FOXN3: variants seen among roughly 807,000 people sequenced by gnomAD.
The protein encoded by FOXN3 is forkhead box N3.
FOXN3 carries 7 observed loss-of-function variants against 38.4 expected under a neutral mutation model. The observed-to-expected ratio is 0.18, with a 90% CI of 0.10 to 0.34. FOXN3 has a LOEUF of 0.34. Among genes scored for constraint, FOXN3 ranks in the 10% least tolerant of loss-of-function variants. The probability of loss-of-function intolerance (pLI) is 1.00; values close to 1 mark genes in which losing one functional copy is unlikely to be tolerated. For missense variants in FOXN3, 456 were observed against 613.4 expected, an observed-to-expected ratio of 0.74 and a Z score of 2.71; for synonymous variants, 230 against 242.2, an observed-to-expected ratio of 0.95 and a Z score of 0.47.
chr14:89,448,288 C>T (rs1031668203), intron 1 of FOXN3, among the ~76,000 whole-genome samples: 12 of 152,188 alleles, frequency 7.9e-5, no homozygotes, highest in African/African-American at 2.9e-4. Context: ...CACGCCCACA[C>T]ACACAGGTCA....
intron 1 of FOXN3, among the ~76,000 whole-genome samples, chr14:89,527,388 C>T (rs1894453971): frequency 1.3e-5 from 2 of 152,096 alleles, no homozygotes; most frequent in South Asian, 4.1e-4. Flanking sequence ...AATATGACTT[C>T]AAAATTAAGA....
intron 2 of FOXN3, chr14:89,356,256 G>C (rs2140018112): frequency 6.6e-6 from 1 of 152,062 alleles, no homozygotes; most frequent in Non-Finnish European, 1.5e-5. Context: ...AATTAGCCAG[G>C]CATGATGGAG....
intron 1 of FOXN3, among the ~76,000 whole-genome samples, chr14:89,458,355 T>C (rs1212106073): frequency 1.3e-5 from 2 of 152,254 alleles, no homozygotes; most frequent in Non-Finnish European, 2.9e-5. Context: ...AGGTGCACTT[T>C]TGGAGACAGC....
rs150433768 is a variant in FOXN3 at position 89,429,743 on chromosome 14, G to A, written c.-14-17253C>T. Among the ~76,000 whole-genome samples, 418 of 152,262 alleles carry A rather than the reference G, an allele frequency of 2.7e-3. 2 individuals are homozygous for A. Among genetic ancestry groups the A allele is most frequent in the African/African-American group, 9.1e-3 (380 of 41,548 alleles). ...TGCTCCGCGGCTGAACAGAAGGCTC[G>A]AGTAATGACAACCACAAAACTCATT... On this transcript the variant is annotated intron_variant, in intron 1 of 6. Coordinates refer to the FOXN3 transcript ENST00000345097.
At chr14:89,180,005 G>A (rs1180328310) in intron 5 of FOXN3, among the ~76,000 whole-genome samples, 1 of 152,268 alleles carries the variant, frequency 6.6e-6, no homozygotes, top group East Asian at 1.9e-4. Flanking sequence ...TGGTCTGGCA[G>A]TGGTGGATGG....
chr14:89,567,537 A>G (rs77154071), intron 1 of FOXN3, among the ~76,000 whole-genome samples: 348 of 13,504 alleles, frequency 0.026, 12 homozygotes, highest in African/African-American at 0.043. Context: ...GTACAGAGCG[A>G]TACTAAGGGA....
At chr14:89,425,062 C>CTTTTTTTTT (rs3994032) in intron 1 of FOXN3, among the ~76,000 whole-genome samples, 9 of 104,196 alleles carry the variant, frequency 8.6e-5, no homozygotes, top group East Asian at 2.8e-4. Context: ...GTTTTCTTTT[C>CTTTTTTTTT]TTTTTTTTTT....
chr14:89,268,960 C>A (rs1199906443), intron 4 of FOXN3, among the ~76,000 whole-genome samples: 1 of 152,168 alleles, frequency 6.6e-6, no homozygotes, highest in Non-Finnish European at 1.5e-5. Context: ...AACACAGAGA[C>A]AAAAGTCTCC....
At chr14:89,363,947 A>AATAAATATATATATATATATATATAT (rs1198064384) in intron 2 of FOXN3, among the ~76,000 whole-genome samples, 1 of 111,398 alleles carries the variant, frequency 9.0e-6, no homozygotes, top group African/African-American at 5.2e-5. Flanking sequence ...CTGTCTGTAA[A>AATAAATATATATATATATATATATAT]ATATATATAT....
intron 4 of FOXN3, among the ~76,000 whole-genome samples, chr14:89,267,536 T>C (rs1886021923): frequency 6.6e-6 from 1 of 152,218 alleles, no homozygotes. Flanking sequence ...CCTTTGCATT[T>C]CTCTCATTAT....
At chr14:89,284,657 T>A in intron 3 of FOXN3, 1 of 441,236 alleles carries the variant, frequency 2.3e-6, no homozygotes, top group Non-Finnish European at 4.6e-6. Context: ...ACAACGCCAG[T>A]GCCACAAATG....
rs59945805 is a variant in FOXN3 at position 89,478,931 on chromosome 14, C to CAAAAAAAAAAAAAA, written c.-14-66455_-14-66442dup. On this transcript the variant is annotated intron_variant, in intron 1 of 6. Coordinates refer to the FOXN3 transcript ENST00000345097. ...TGGGTGAGAGAGCGAGACTCCATCT[C>CAAAAAAAAAAAAAA]AAAAAAAAAAAAAAAAAAATTACCA... Among the ~76,000 whole-genome samples the CAAAAAAAAAAAAAA allele has an allele frequency of 4.6e-4, 25 of 54,198 alleles. 1 individual carries two copies. Among genetic ancestry groups the CAAAAAAAAAAAAAA allele is most frequent in the East Asian group, 2.3e-3 (4 of 1,706 alleles). 35.6% of individuals were successfully genotyped at this position (54,198 alleles called of 152,430 possible).
At chr14:89,297,019 T>C (rs1018308894) in intron 3 of FOXN3, among the ~76,000 whole-genome samples, 2 of 152,214 alleles carry the variant, frequency 1.3e-5, no homozygotes, top group Non-Finnish European at 2.9e-5. Context: ...TGGATCAATC[T>C]ATCCATGGCC....
intron 1 of FOXN3, among the ~76,000 whole-genome samples, chr14:89,436,539 A>G (rs1172347710): frequency 1.3e-5 from 2 of 152,078 alleles, no homozygotes; most frequent in Non-Finnish European, 2.9e-5. Flanking sequence ...GACTGACCCC[A>G]TCGTCTGCGC....
intron 3 of FOXN3, among the ~76,000 whole-genome samples, chr14:89,348,577 C>T (rs1400213990): frequency 6.6e-6 from 1 of 152,120 alleles, no homozygotes; most frequent in Admixed American, 6.6e-5. Flanking sequence ...AGACTAGAAT[C>T]TCATCTGTCA....
chr14:89,466,218 C>G (rs933329183), intron 1 of FOXN3, among the ~76,000 whole-genome samples: 1 of 152,148 alleles, frequency 6.6e-6, no homozygotes, highest in Non-Finnish European at 1.5e-5. Flanking sequence ...TCTGTGCCTT[C>G]CGAAATTACA....
chr14:89,308,594 C>A (rs568243492), intron 3 of FOXN3, among the ~76,000 whole-genome samples: 1 of 152,302 alleles, frequency 6.6e-6, no homozygotes, highest in South Asian at 2.1e-4. Flanking sequence ...ACATCCGTGG[C>A]CACATACTAC....
intron 4 of FOXN3, among the ~76,000 whole-genome samples, chr14:89,218,320 C>T (rs1424587906): frequency 6.6e-6 from 1 of 152,154 alleles, no homozygotes; most frequent in East Asian, 1.9e-4. Context: ...TAATTAATCA[C>T]AAGATTAATA....
chr14:89,383,026 G>A (rs1890694500), intron 2 of FOXN3, among the ~76,000 whole-genome samples: 1 of 127,368 alleles, frequency 7.9e-6, no homozygotes, highest in African/African-American at 3.1e-5. Context: ...AGTTTTGGGT[G>A]GTGTTTTTTT....
Sources: gnomAD v4.1 joint callset for allele counts (sites outside exome capture counted in the v4.1 genomes callset) on GRCh38, gnomAD v4.1.1 for gene constraint, MANE v1.5 for transcripts, NCBI Gene and HGNC (gene_info 2026-07-23, HGNC 2026-07-21) for gene names.